The following DPP6 variants were observed in gnomAD, a reference collection of about 807,000 sequenced individuals.
The protein encoded by DPP6 is dipeptidyl peptidase like 6.
In DPP6, 69 loss-of-function variants were observed where a neutral mutation model predicts 122.6. The ratio of observed to expected loss-of-function variants is 0.56; its 90% CI spans 0.46 to 0.69. DPP6 has a LOEUF of 0.69. Among genes scored for constraint, DPP6 ranks in the 30% least tolerant of loss-of-function variants. The pLI, the probability that DPP6 is intolerant of heterozygous loss-of-function variation, is 0.00. For missense variants in DPP6, 928 were observed against 1,116.9 expected (o/e 0.83, Z 2.41); for synonymous variants, 418 against 433.1 (o/e 0.97, Z 0.43).
intron 4 of DPP6, among the ~76,000 whole-genome samples, chr7:154,553,977 C>T (rs977373404): frequency 1.3e-5 from 2 of 150,902 alleles, no homozygotes; most frequent in Admixed American, 6.6e-5. Context: ...TTAGAGAGAA[C>T]CGAGCTGTAA....
intron 3 of DPP6, among the ~76,000 whole-genome samples, chr7:154,539,110 C>T (rs1192073886): frequency 6.6e-6 from 1 of 152,170 alleles, no homozygotes; most frequent in Non-Finnish European, 1.5e-5. Context: ...CAGTCATCAA[C>T]TATTATAGTG....
Position 154,000,951 on chromosome 7 carries a change from G to A in DPP6, c.51+113217G>A, listed in dbSNP as rs529891091. On this transcript the variant is annotated intron_variant, in intron 1 of 25. Transcript: ENST00000404039. ...AGACCCAGAGATCCACCCTAAGGGC[G>A]AGGATAAGGAGACAGAGGACAGGCA... Among the ~76,000 whole-genome samples, 61 of 152,318 alleles carry A rather than the reference G, an allele frequency of 4.0e-4. No individual in the cohort carries two copies. The East Asian group carries it at 7.5e-3, about 19-fold the overall frequency.
At chr7:154,617,753 T>C (rs907029229) in intron 5 of DPP6, among the ~76,000 whole-genome samples, 3 of 151,950 alleles carry the variant, frequency 2.0e-5, no homozygotes, top group Non-Finnish European at 2.9e-5. Context: ...CCCAAGAAAA[T>C]AGCAAATCAT....
intron 1 of DPP6, among the ~76,000 whole-genome samples, chr7:154,306,298 C>T (rs1435050001): frequency 6.6e-6 from 1 of 152,216 alleles, no homozygotes; most frequent in Non-Finnish European, 1.5e-5. Context: ...GTCAGCCAGC[C>T]GCTTCACCAC....
chr7:154,362,025 C>T (rs1218790562), intron 1 of DPP6, among the ~76,000 whole-genome samples: 2 of 152,200 alleles, frequency 1.3e-5, no homozygotes, highest in Non-Finnish European at 2.9e-5. Flanking sequence ...ACTGGGTCCA[C>T]AAGAGGGGAA....
chr7:154,213,309 C>T (rs1430520352), intron 1 of DPP6, among the ~76,000 whole-genome samples: 1 of 152,214 alleles, frequency 6.6e-6, no homozygotes, highest in African/African-American at 2.4e-5. Context: ...AAGTATTTGA[C>T]ATATATGTAT....
intron 1 of DPP6, among the ~76,000 whole-genome samples, chr7:154,123,675 C>G (rs62487178): frequency 0.026 from 4,017 of 152,120 alleles, 81 homozygotes; most frequent in Non-Finnish European, 0.04. Context: ...GCCGCCTGCT[C>G]ACAGGGCTTA....
At position 154,185,314 on chromosome 7, in the gene DPP6, A is replaced by G. The variant is rs549155611; in HGVS notation, c.243+132251A>G. ...GAATAGTAAAACCTCTTGGGAATTC[A>G]TTGCTTTTTTTTCAGTTGTCAGAAG... On this transcript the variant is annotated intron_variant, in intron 1 of 25. Transcript: ENST00000377770. Among the ~76,000 whole-genome samples, 7 of 152,294 alleles carry G rather than the reference A, an allele frequency of 4.6e-5. No individual in the cohort carries two copies. The East Asian group carries it at 1.4e-3, about 29-fold the overall frequency.
chr7:154,715,873 A>G (rs927486220), intron 7 of DPP6, among the ~76,000 whole-genome samples: 2 of 152,182 alleles, frequency 1.3e-5, no homozygotes, highest in Non-Finnish European at 2.9e-5. Context: ...GGCATCTCAC[A>G]GTCAACCTGC....
chr7:154,242,775 C>T (rs1182675582), intron 1 of DPP6, among the ~76,000 whole-genome samples: 1 of 152,168 alleles, frequency 6.6e-6, no homozygotes, highest in Admixed American at 6.5e-5. Flanking sequence ...CAAGGGTTTC[C>T]AGAAGTCTTG....
chr7:153,843,311 C>G, the DPP6 span, among the ~76,000 whole-genome samples: 12 of 151,988 alleles, frequency 7.9e-5, no homozygotes, highest in Admixed American at 6.5e-4. Flanking sequence ...TCTTACTTCT[C>G]TATACCAAAA....
chr7:153,887,781 T>A, intron 1 of DPP6: 1 of 1,599,676 alleles, frequency 6.3e-7, no homozygotes, highest in Non-Finnish European at 8.5e-7. Flanking sequence ...GGACCCACCG[T>A]GAGGAGCGAT....
chr7:154,051,231 C>T (rs1800291947), upstream of DPP6, among the ~76,000 whole-genome samples: 2 of 119,752 alleles, frequency 1.7e-5, 1 homozygote. Flanking sequence ...AAGGAGGCGG[C>T]GGAATGGGCA....
chr7:154,257,435 C>T (rs1195689209), intron 1 of DPP6, among the ~76,000 whole-genome samples: 1 of 152,114 alleles, frequency 6.6e-6, no homozygotes. Context: ...TGGCTCATAC[C>T]TGTAATCCCA....
In DPP6 at chr7:153,983,130, C is replaced by T. The variant is rs568914668; in HGVS notation, c.51+95396C>T. Among the ~76,000 whole-genome samples, 3 of 152,368 alleles carry T rather than the reference C, an allele frequency of 2.0e-5. No homozygotes were observed. The East Asian group carries it at 5.8e-4, about 29-fold the overall frequency. On this transcript the variant is annotated intron_variant, in intron 1 of 25. Coordinates refer to the DPP6 transcript ENST00000404039. ...CAGCAGGCAGGAACGTTTAATTCTG[C>T]TGAAGCTGCGCCCACAGCCGCCCCT...
intron 16 of DPP6, among the ~76,000 whole-genome samples, chr7:154,830,009 G>T (rs534529284): frequency 7.7e-4 from 117 of 152,088 alleles, no homozygotes; most frequent in Non-Finnish European, 1.4e-3. Flanking sequence ...CTCACCACCC[G>T]ATAGCTCCTT....
chr7:154,028,733 G>C (rs1563113743), intron 1 of DPP6, among the ~76,000 whole-genome samples: 2 of 152,152 alleles, frequency 1.3e-5, no homozygotes, highest in Admixed American at 1.3e-4. Flanking sequence ...CGCTCTGCCT[G>C]CTCCGATCTT....
chr7:154,435,381 A>G (rs1332001198), intron 1 of DPP6, among the ~76,000 whole-genome samples: 1 of 152,164 alleles, frequency 6.6e-6, no homozygotes, highest in Non-Finnish European at 1.5e-5. Flanking sequence ...CACCAGTTTC[A>G]CTAGTGGAGA....
chr7:154,846,162 T>C (rs1202338067), intron 16 of DPP6, among the ~76,000 whole-genome samples: 1 of 151,048 alleles, frequency 6.6e-6, no homozygotes, highest in African/African-American at 2.4e-5. Context: ...TTTAATTTAT[T>C]TTTTATTGAG....
Sources: gnomAD v4.1 joint callset for allele counts (sites outside exome capture counted in the v4.1 genomes callset) on GRCh38, gnomAD v4.1.1 for gene constraint, MANE v1.5 for transcripts, NCBI Gene and HGNC (gene_info 2026-07-23, HGNC 2026-07-21) for gene names.